The following ATP8A1 variants were observed in gnomAD, a reference collection of about 807,000 sequenced individuals.
The protein encoded by ATP8A1 is phospholipid-transporting ATPase IA.
A neutral mutation model predicts 177.7 loss-of-function variants in ATP8A1; 90 were observed. The ratio of observed to expected loss-of-function variants is 0.51; its 90% confidence interval spans 0.43 to 0.60. The LOEUF is 0.60. Ranked by LOEUF, ATP8A1 falls within the 20% of genes least tolerant of loss-of-function variation. The pLI, the probability that ATP8A1 is intolerant of heterozygous loss-of-function variation, is 0.00. For missense variants in ATP8A1, 1,072 were observed against 1,392.8 expected, an observed-to-expected ratio of 0.77 and a Z score of 3.67; for synonymous variants, 493 against 485.9, an observed-to-expected ratio of 1.01 and a Z score of -0.19.
chr4:42,421,157 T>C (rs1012858984), intron 35 of ATP8A1, among the ~76,000 whole-genome samples: 4 of 152,180 alleles, frequency 2.6e-5, no homozygotes, highest in Non-Finnish European at 5.9e-5. Flanking sequence ...CTGCAGGTAC[T>C]TTCCTATGAG....
chr4:42,446,683 G>A, intron 30 of ATP8A1, 39 bp from the exon 31 acceptor site: 1 of 1,548,156 alleles, frequency 6.5e-7, no homozygotes, highest in Non-Finnish European at 8.9e-7. Flanking sequence ...AGGAAAATGA[G>A]ATTCTTTCAG....
chr4:42,422,719 A>G (rs1380173283), intron 35 of ATP8A1, 88 bp downstream of exon 35: 2 of 1,038,778 alleles, frequency 1.9e-6, no homozygotes, highest in Non-Finnish European at 2.9e-6. Flanking sequence ...ATGCTGACAA[A>G]TACAAGTCTT....
chr4:42,604,392 T>TC (rs1388074975), intron 5 of ATP8A1, among the ~76,000 whole-genome samples: 6 of 151,058 alleles, frequency 4.0e-5, no homozygotes, highest in African/African-American at 1.5e-4. Context: ...CCTATTATAC[T>TC]CACTGTTACC....
At position 42,465,026 on chromosome 4, in the gene ATP8A1, A is replaced by G. The variant is rs1387555335; in HGVS notation, c.2375T>C (p.Val792Ala). 1 of 1,614,182 alleles carries G rather than the reference A, an allele frequency of 6.2e-7. No homozygotes were observed. The highest frequency in any genetic ancestry group is 1.7e-5 in the Admixed American group (1 of 60,022). ...SEVVEMVKKQ[V>A]KVVTLAIGDG... ...ACCGATTGCAAGCGTTACGACTTTG[A>G]CTTGTTTCTTAACCATCTCAACAAC... The change falls in exon 26 of 37, where the codon GTC (valine) becomes GCC (alanine). Residue 792 changes from valine to alanine, a missense_variant. Coordinates refer to ENST00000381668, the MANE Select transcript of ATP8A1 (RefSeq NM_006095.2).
chr4:42,560,365 C>CAT (rs1263556366), intron 15 of ATP8A1, among the ~76,000 whole-genome samples: 1 of 151,902 alleles, frequency 6.6e-6, no homozygotes, highest in African/African-American at 2.4e-5. Context: ...TATGTTAATG[C>CAT]ATTGTGAACT....
chr4:42,617,938 G>C (rs915605021), intron 4 of ATP8A1, among the ~76,000 whole-genome samples: 2 of 152,122 alleles, frequency 1.3e-5, no homozygotes, highest in Non-Finnish European at 2.9e-5. Context: ...TTTGTGTCTT[G>C]ATAAGATTAT....
At chr4:42,425,037 T>C (rs1435518813) in intron 33 of ATP8A1, among the ~76,000 whole-genome samples, 1 of 152,146 alleles carries the variant, frequency 6.6e-6, no homozygotes, top group Non-Finnish European at 1.5e-5. Flanking sequence ...CAACAATAAC[T>C]GTGTAATAGG....
At chr4:42,505,901 A>C (rs1724312039) in intron 23 of ATP8A1, among the ~76,000 whole-genome samples, 1 of 152,158 alleles carries the variant, frequency 6.6e-6, no homozygotes, top group Non-Finnish European at 1.5e-5. Flanking sequence ...CAAGCTACCT[A>C]CTTTTACTAA....
At chr4:42,561,226 C>G (rs1159780156) in intron 15 of ATP8A1, among the ~76,000 whole-genome samples, 1 of 152,118 alleles carries the variant, frequency 6.6e-6, no homozygotes, top group African/African-American at 2.4e-5. Context: ...CGCACTGGGA[C>G]AGGTGCGCAC....
intron 20 of ATP8A1, among the ~76,000 whole-genome samples, chr4:42,542,249 C>T (rs185327600): frequency 6.6e-5 from 10 of 151,974 alleles, no homozygotes; most frequent in African/African-American, 2.4e-4. Context: ...TATATGCAAG[C>T]TAATTCTATG....
At chr4:42,597,634 T>C (rs1445677121) in intron 6 of ATP8A1, among the ~76,000 whole-genome samples, 1 of 152,216 alleles carries the variant, frequency 6.6e-6, no homozygotes, top group African/African-American at 2.4e-5. Context: ...ACTGTCCCTA[T>C]TGTTGCATTT....
chr4:42,577,864 C>T (rs1276786145), intron 12 of ATP8A1, among the ~76,000 whole-genome samples: 1 of 152,062 alleles, frequency 6.6e-6, no homozygotes, highest in Non-Finnish European at 1.5e-5. Context: ...ATTCCTTAGT[C>T]CATAAAACCA....
chr4:42,479,225 C>T (rs746398611), intron 25 of ATP8A1, among the ~76,000 whole-genome samples: 4 of 152,222 alleles, frequency 2.6e-5, no homozygotes, highest in Non-Finnish European at 5.9e-5. Flanking sequence ...CATGCTACAA[C>T]TGCAGAGTTG....
At chr4:42,425,256 G>A (rs1472032749) in intron 33 of ATP8A1, among the ~76,000 whole-genome samples, 1 of 151,868 alleles carries the variant, frequency 6.6e-6, no homozygotes, top group Non-Finnish European at 1.5e-5. Context: ...ATTTATTCTT[G>A]CCTTCACCAC....
rs1171942397 is a variant in ATP8A1, at chr4:42,507,146, C to G, written c.1956G>C (p.Gln652His). 3.1e-6 allele frequency: 5 copies of G among 1,609,320 alleles called. No individual in the cohort carries two copies. The highest frequency in any genetic ancestry group is 4.2e-6 in the Non-Finnish European group (5 of 1,178,996). Residue 652 changes from glutamine to histidine, a missense_variant, in exon 23 of 37, where the codon CAG becomes CAC. Coordinates refer to ENST00000381668, the MANE Select transcript of ATP8A1 (RefSeq NM_006095.2). ...ESYELIEKNL[Q>H]LLGATAIEDK... Reference sequence around the variant, plus strand: ...CCTCAATGGCTGTTGCTCCAAGTAGCTGAAGATTCTGAAAAAAATTAGTGG... The same window carrying G: ...CCTCAATGGCTGTTGCTCCAAGTAGGTGAAGATTCTGAAAAAAATTAGTGG...
In ATP8A1 at chr4:42,626,997, G is replaced by C; in HGVS notation, c.162C>G (p.Val54=). Residue 54 remains valine, a splice_region_variant and synonymous_variant, in exon 2 of 37, where the codon GTC becomes GTG. Coordinates refer to ENST00000381668, the MANE Select transcript of ATP8A1 (RefSeq NM_006095.2). ...TGGCATTCTTTGGTAGTTCTTACCT[G>C]ACATGGTTATTGCAGAATTTTGTCA... ...PQLTKFCNNH[V]STAKYNIITF... The C allele has an allele frequency of 6.2e-7, 1 of 1,612,730 alleles. No homozygotes were observed. The highest frequency in any genetic ancestry group is 8.5e-7 in the Non-Finnish European group (1 of 1,178,796).
At chr4:42,546,728 T>C (rs1329712717) in intron 19 of ATP8A1, among the ~76,000 whole-genome samples, 7 of 152,148 alleles carry the variant, frequency 4.6e-5, no homozygotes, top group Non-Finnish European at 8.8e-5. Context: ...TCTTCTCTCC[T>C]CACCATTACA....
intron 1 of ATP8A1, among the ~76,000 whole-genome samples, chr4:42,632,856 T>G (rs1475483009): frequency 6.6e-6 from 1 of 152,206 alleles, no homozygotes; most frequent in Non-Finnish European, 1.5e-5. Flanking sequence ...GGGGTTATTC[T>G]CTTCCTTTGT....
intron 6 of ATP8A1, chr4:42,594,467 C>A: frequency 6.1e-6 from 4 of 654,820 alleles, no homozygotes; most frequent in South Asian, 4.2e-5. Context: ...TGGTTATCGG[C>A]AAACAAGAAC....
Sources: allele counts gnomAD v4.1 joint callset (sites outside exome capture counted in the v4.1 genomes callset), GRCh38; gene constraint gnomAD v4.1.1; transcripts MANE v1.5; gene names NCBI Gene and HGNC (gene_info 2026-07-23, HGNC 2026-07-21).